Variants in PTPRN2 observed in about 807,000 individuals in gnomAD.
The protein encoded by PTPRN2 is protein tyrosine phosphatase receptor type N2.
In PTPRN2, 74 loss-of-function variants were observed where a neutral mutation model predicts 118.8. The observed-to-expected ratio is 0.62, with a 90% CI of 0.52 to 0.76. The LOEUF (loss-of-function observed/expected upper bound fraction) is 0.76. Among genes scored for constraint, PTPRN2 ranks in the 30% least tolerant of loss-of-function variants. The probability of loss-of-function intolerance (pLI) is 0.00; values close to 1 mark genes in which losing one functional copy is unlikely to be tolerated. For missense variants in PTPRN2, 1,481 were observed against 1,394.4 expected, an observed-to-expected ratio of 1.06 and a Z score of -0.99; for synonymous variants, 641 against 608.0, an observed-to-expected ratio of 1.05 and a Z score of -0.80.
In PTPRN2 at chr7:157,794,105, A is replaced by G. The variant is rs112960189; in HGVS notation, c.1788+104568T>C. On this transcript the variant is annotated intron_variant, in intron 12 of 22. Coordinates refer to ENST00000389418, the MANE Select transcript of PTPRN2 (RefSeq NM_002847.5). This position sits in a 1 kb window ranked among gnomAD's most constrained non-coding sequence, Gnocchi z 5.2. Reference sequence around the variant, plus strand: ...GGGGGCCGCCTGTGTCTCGCCCCTCATTCTCTGCTCTGACCCGGGCTCGCA... The same window carrying G: ...GGGGGCCGCCTGTGTCTCGCCCCTCGTTCTCTGCTCTGACCCGGGCTCGCA... 1.0e-4 allele frequency among the ~76,000 whole-genome samples: 15 copies of G among 150,742 alleles called. 1 individual carries two copies. The highest frequency in any genetic ancestry group is 8.6e-4 in the Admixed American group (13 of 15,106).
Position 158,003,152 on chromosome 7 carries a change from C to T in PTPRN2, c.1723+78146G>A, listed in dbSNP as rs1276941562. Among the ~76,000 whole-genome samples the T allele has an allele frequency of 5.9e-5, 9 of 152,064 alleles. No homozygotes were observed. In the South Asian group the frequency reaches 6.2e-4, roughly 11 times the overall value. On this transcript the variant is annotated intron_variant, in intron 11 of 22. Coordinates refer to ENST00000389418, the MANE Select transcript of PTPRN2 (RefSeq NM_002847.5). This position sits in a 1 kb window ranked among gnomAD's most constrained non-coding sequence, Gnocchi z 5.0. ...AGGTAAGGCCGGGCGCGGTGGCTCA[C>T]GCCTGTAATCCCAGCACTTTGGGAG...
At chr7:158,498,045 A>C (rs1822082023) in intron 1 of PTPRN2, among the ~76,000 whole-genome samples, 1 of 152,376 alleles carries the variant, frequency 6.6e-6, no homozygotes, top group East Asian at 1.9e-4. Context: ...AGTCCGCTCC[A>C]TCACAACGGT....
chr7:158,246,896 G>C (rs1796290107), intron 3 of PTPRN2, among the ~76,000 whole-genome samples: 1 of 152,150 alleles, frequency 6.6e-6, no homozygotes, highest in Admixed American at 6.5e-5. Flanking sequence ...AAACAGGACT[G>C]AGAGGGGCTA....
intron 12 of PTPRN2, among the ~76,000 whole-genome samples, chr7:157,706,435 G>A (rs1798332900): frequency 2.0e-5 from 3 of 150,544 alleles, no homozygotes; most frequent in Non-Finnish European, 3.0e-5. Context: ...GATCAATGTG[G>A]ACCACATCCC....
At chr7:157,753,438 C>T (rs1563073775) in intron 12 of PTPRN2, among the ~76,000 whole-genome samples, 1 of 152,182 alleles carries the variant, frequency 6.6e-6, no homozygotes, top group Non-Finnish European at 1.5e-5. Flanking sequence ...GCCCCAGACA[C>T]AAAGCCCATT....
At chr7:158,549,326 C>T (rs1030163963) in intron 1 of PTPRN2, among the ~76,000 whole-genome samples, 1 of 152,198 alleles carries the variant, frequency 6.6e-6, no homozygotes, top group Non-Finnish European at 1.5e-5. Context: ...CTGGTCACCC[C>T]ACGTGGACGC....
At chr7:157,692,248 C>T (rs1041776678) in intron 12 of PTPRN2, among the ~76,000 whole-genome samples, 3 of 152,036 alleles carry the variant, frequency 2.0e-5, no homozygotes, top group African/African-American at 7.2e-5. Flanking sequence ...CGGCTGCCCG[C>T]GGCGCCCGCT....
chr7:158,550,038 G>T (rs964784148), intron 1 of PTPRN2, among the ~76,000 whole-genome samples: 1 of 152,208 alleles, frequency 6.6e-6, no homozygotes, highest in African/African-American at 2.4e-5. Flanking sequence ...TCGGCGTCAG[G>T]AAGGACCTCA....
intron 10 of PTPRN2, among the ~76,000 whole-genome samples, chr7:158,084,548 C>G (rs1037877995): frequency 7.2e-5 from 11 of 152,054 alleles, no homozygotes; most frequent in Non-Finnish European, 1.6e-4. Context: ...AACAAAGATG[C>G]CTAGAGCCCT....
At chr7:157,691,515 C>T (rs1042813433) in intron 12 of PTPRN2, among the ~76,000 whole-genome samples, 1 of 152,198 alleles carries the variant, frequency 6.6e-6, no homozygotes, top group African/African-American at 2.4e-5. Context: ...AGGGTCCTCC[C>T]GAGTGTTTAG....
chr7:158,524,122 G>A (rs1236329986), intron 1 of PTPRN2, among the ~76,000 whole-genome samples: 1 of 73,764 alleles, frequency 1.4e-5, no homozygotes, highest in Non-Finnish European at 2.6e-5. Flanking sequence ...AGTGGAGTCT[G>A]CCCTGGAGTG....
At chr7:158,192,304 C>A (rs775989229) in intron 5 of PTPRN2, 23 bp downstream of exon 5, 1 of 1,448,200 alleles carries the variant, frequency 6.9e-7, no homozygotes, top group African/African-American at 1.5e-5. Context: ...AACCCCGGCC[C>A]GGGGAGGAAG....
chr7:158,070,520 C>G lies in PTPRN2; in HGVS notation c.1723+10778G>C, dbSNP rs1432850666. ...GGTGCCCGTGGTGGTGGAGGTGCTC[C>G]TGGTGGTGGAGGTGCTCCTGGTGGT... On this transcript the variant is annotated intron_variant, in intron 11 of 22. Transcript: ENST00000389418. 6.9e-3 allele frequency among the ~76,000 whole-genome samples: 501 copies of G among 72,914 alleles called. 4 individuals carry two copies. The highest frequency in any genetic ancestry group is 0.031 in the African/African-American group (401 of 12,986). The allele number at this position is 72,914 out of a possible 152,430, so 47.8% of individuals were successfully genotyped here.
chr7:157,782,367 G>T (rs1479591775), intron 12 of PTPRN2, among the ~76,000 whole-genome samples: 1 of 152,228 alleles, frequency 6.6e-6, no homozygotes, highest in East Asian at 1.9e-4. Flanking sequence ...GGCGGAATCG[G>T]TTCCAGCAGG....
chr7:158,329,775 T>A (rs1412503835), intron 2 of PTPRN2, among the ~76,000 whole-genome samples: 16 of 151,838 alleles, frequency 1.1e-4, no homozygotes, highest in South Asian at 2.1e-4. Flanking sequence ...GGCCTGGGAG[T>A]CGCAACCCAA....
chr7:157,588,406 C>A (rs529607541), intron 17 of PTPRN2, among the ~76,000 whole-genome samples: 1 of 152,196 alleles, frequency 6.6e-6, no homozygotes, highest in Non-Finnish European at 1.5e-5. Context: ...CCTGCCTCCC[C>A]GGCAGTCCTA....
At chr7:158,311,181 G>A (rs527626828) in intron 3 of PTPRN2, among the ~76,000 whole-genome samples, 35 of 152,336 alleles carry the variant, frequency 2.3e-4, no homozygotes, top group South Asian at 6.2e-4. Flanking sequence ...GCAGCTCCCC[G>A]GATGCCATCC....
At chr7:157,649,730 T>C (rs1284420097) in intron 14 of PTPRN2, among the ~76,000 whole-genome samples, 7 of 118,902 alleles carry the variant, frequency 5.9e-5, no homozygotes, top group South Asian at 3.1e-4. Flanking sequence ...TCGGACCCAT[T>C]CACTGTGCAC....
chr7:158,264,009 A>T (rs986852414), intron 3 of PTPRN2, among the ~76,000 whole-genome samples: 1 of 151,430 alleles, frequency 6.6e-6, no homozygotes, highest in African/African-American at 2.4e-5. Context: ...GTCCAACTCT[A>T]CCCCTGCCAC....
Sources: gnomAD v4.1 joint callset for allele counts (sites outside exome capture counted in the v4.1 genomes callset) on GRCh38, gnomAD v4.1.1 for gene constraint, Gnocchi (gnomAD v3.1) non-coding constraint, MANE v1.5 for transcripts, NCBI Gene and HGNC (gene_info 2026-07-23, HGNC 2026-07-21) for gene names.